Variants in PCDH9 observed in about 807,000 individuals in gnomAD.
PCDH9 encodes the protein protocadherin 9, also known as protocadherin-9.
In PCDH9, 24 loss-of-function variants were observed where a neutral mutation model predicts 70.6. That is an observed-to-expected ratio of 0.34 (90% confidence interval 0.25 to 0.48). The LOEUF (loss-of-function observed/expected upper bound fraction) is 0.48. Among genes scored for constraint, PCDH9 ranks in the 20% least tolerant of loss-of-function variants. PCDH9 has a pLI of 0.99. For synonymous variants in PCDH9, 562 were observed against 558.5 expected, an observed-to-expected ratio of 1.01 and a Z score of -0.09; for missense variants, 1,281 against 1,503.6, an observed-to-expected ratio of 0.85 and a Z score of 2.45.
At chr13:66,768,842 T>A (rs76608253) in intron 3 of PCDH9, among the ~76,000 whole-genome samples, 2,682 of 152,084 alleles carry the variant, frequency 0.018, 75 homozygotes, top group African/African-American at 0.062. Flanking sequence ...TCTTAATGTA[T>A]AATATAAATT....
chr13:67,178,667 T>C (rs1258226783), intron 2 of PCDH9, among the ~76,000 whole-genome samples: 1 of 152,100 alleles, frequency 6.6e-6, no homozygotes, highest in Non-Finnish European at 1.5e-5. Context: ...CTGCGTATGC[T>C]GTTGCATTTT....
At chr13:66,585,433 C>T (rs911404005) in intron 4 of PCDH9, among the ~76,000 whole-genome samples, 3 of 152,208 alleles carry the variant, frequency 2.0e-5, no homozygotes, top group Non-Finnish European at 1.5e-5. Flanking sequence ...ATTCTTATCT[C>T]TGCATTCCTG....
rs185107677 is a variant in PCDH9 at position 66,535,558 on chromosome 13, T to G, written c.3340+95652A>C. 5.8e-4 allele frequency among the ~76,000 whole-genome samples: 88 copies of G among 152,190 alleles called. 1 individual carries two copies. The highest frequency in any genetic ancestry group is 2.1e-3 in the African/African-American group (86 of 41,562). On this transcript the variant is annotated intron_variant, in intron 4 of 4. Transcript: ENST00000377865. ...CCCAACTACAACAATTTATACCACT[T>G]TATATATAAAGTATCAATTTGTTTT...
At chr13:66,716,647 C>A (rs2078869353) in intron 3 of PCDH9, among the ~76,000 whole-genome samples, 1 of 152,190 alleles carries the variant, frequency 6.6e-6, no homozygotes, top group Admixed American at 6.5e-5. Context: ...TTCTCCCTGG[C>A]ATTGCTTGGA....
At chr13:66,625,442 A>G (rs1405383562) in intron 4 of PCDH9, among the ~76,000 whole-genome samples, 1 of 152,148 alleles carries the variant, frequency 6.6e-6, no homozygotes, top group Admixed American at 6.5e-5. Context: ...ATGTTCTTTA[A>G]AACCACTTGG....
chr13:66,889,498 A>T (rs753783297), intron 3 of PCDH9, among the ~76,000 whole-genome samples: 1 of 152,122 alleles, frequency 6.6e-6, no homozygotes, highest in Non-Finnish European at 1.5e-5. Context: ...CTGGTAAATG[A>T]GCTTTTTGTA....
chr13:66,437,823 T>C (rs1401397143), intron 4 of PCDH9, among the ~76,000 whole-genome samples: 1 of 152,178 alleles, frequency 6.6e-6, no homozygotes, highest in East Asian at 1.9e-4. Flanking sequence ...TTCATACTTA[T>C]GTTGACTAAA....
chr13:67,223,530 A>C (rs1409492100), intron 2 of PCDH9: 1 of 152,162 alleles, frequency 6.6e-6, no homozygotes, highest in Non-Finnish European at 1.5e-5. Flanking sequence ...AACAGAAGTA[A>C]ATAATTTAAA....
intron 3 of PCDH9, among the ~76,000 whole-genome samples, chr13:66,760,652 A>AT (rs1348784943): frequency 6.6e-6 from 1 of 152,148 alleles, no homozygotes; most frequent in Non-Finnish European, 1.5e-5. Flanking sequence ...GATATCAGCG[A>AT]TTTTCAGGCA....
chr13:66,546,196 A>G (rs1464874301), intron 4 of PCDH9, among the ~76,000 whole-genome samples: 1 of 151,986 alleles, frequency 6.6e-6, no homozygotes, highest in Non-Finnish European at 1.5e-5. Flanking sequence ...AGTTAACTAT[A>G]AAGCAGCCTC....
At chr13:67,063,446 ACT>A (rs1491425930) in intron 2 of PCDH9, among the ~76,000 whole-genome samples, 1 of 151,810 alleles carries the variant, frequency 6.6e-6, no homozygotes, top group Non-Finnish European at 1.5e-5. Context: ...ACTTACAATA[ACT>A]CTTGCAGGTA....
At chr13:66,865,363 T>C (rs952014207) in intron 3 of PCDH9, among the ~76,000 whole-genome samples, 2 of 152,236 alleles carry the variant, frequency 1.3e-5, no homozygotes, top group Admixed American at 6.5e-5. Flanking sequence ...ATTATTTTTA[T>C]ATATAGTCAA....
At chr13:66,758,918 T>G (rs2079578892) in intron 3 of PCDH9, among the ~76,000 whole-genome samples, 1 of 152,104 alleles carries the variant, frequency 6.6e-6, no homozygotes. Context: ...AGGTAATTGT[T>G]CATAATAATC....
At chr13:66,428,645 G>A (rs1957715141) in intron 4 of PCDH9, among the ~76,000 whole-genome samples, 1 of 151,514 alleles carries the variant, frequency 6.6e-6, no homozygotes, top group African/African-American at 2.4e-5. Context: ...GCTTCTATAA[G>A]GATTGTATAT....
At chr13:66,839,145 T>A (rs188792091) in intron 3 of PCDH9, among the ~76,000 whole-genome samples, 1 of 152,010 alleles carries the variant, frequency 6.6e-6, no homozygotes, top group Admixed American at 6.6e-5. Context: ...TATCATCTTA[T>A]AGAATATTCT....
chr13:66,804,428 A>G (rs993783578), intron 3 of PCDH9, among the ~76,000 whole-genome samples: 3 of 152,204 alleles, frequency 2.0e-5, no homozygotes, highest in Non-Finnish European at 4.4e-5. Flanking sequence ...CTTAACTTTT[A>G]AGAATAAATT....
At chr13:67,117,932 A>C (rs1226504913) in intron 2 of PCDH9, among the ~76,000 whole-genome samples, 1 of 152,158 alleles carries the variant, frequency 6.6e-6, no homozygotes, top group Non-Finnish European at 1.5e-5. Flanking sequence ...AAATGTGGGC[A>C]AGTTGACTAA....
chr13:66,845,884 G>T (rs1027645850), intron 3 of PCDH9, among the ~76,000 whole-genome samples: 2 of 152,054 alleles, frequency 1.3e-5, no homozygotes, highest in South Asian at 4.1e-4. Context: ...ATAATAAATA[G>T]TTACAACATG....
intron 3 of PCDH9, among the ~76,000 whole-genome samples, chr13:66,707,458 T>C (rs574221335): frequency 1.3e-3 from 203 of 152,330 alleles, no homozygotes; most frequent in Admixed American, 3.1e-3. Flanking sequence ...GAACTTGTCT[T>C]ATCTTAGGCA....
Sources: allele counts gnomAD v4.1 joint callset (sites outside exome capture counted in the v4.1 genomes callset), GRCh38; gene constraint gnomAD v4.1.1; transcripts MANE v1.5; gene names NCBI Gene and HGNC (gene_info 2026-07-23, HGNC 2026-07-21).